RGS5: variants seen among roughly 807,000 people sequenced by gnomAD.
The protein encoded by RGS5 is regulator of G-protein signalling 5.
A neutral mutation model predicts 18.9 loss-of-function variants in RGS5; 20 were observed. That is an observed-to-expected ratio of 1.06 (90% CI 0.74 to 1.54). The LOEUF (loss-of-function observed/expected upper bound fraction) is 1.54, where lower values mean the gene tolerates loss of function less well. Among genes scored for constraint, RGS5 ranks in the 40% most tolerant of loss-of-function variants. RGS5 has a pLI of 0.00. For synonymous variants in RGS5, 57 were observed against 76.2 expected (o/e 0.75, Z 1.31); for missense variants, 201 against 211.8 (o/e 0.95, Z 0.32).
At chr1:163,256,832 G>C (rs1292473962) in intron 2 of RGS5, among the ~76,000 whole-genome samples, 1 of 152,174 alleles carries the variant, frequency 6.6e-6, no homozygotes, top group Non-Finnish European at 1.5e-5. Flanking sequence ...ACAGTGATGA[G>C]GGTGGGTAAG....
chr1:163,193,105 T>C (rs893500355), intron 1 of RGS5, among the ~76,000 whole-genome samples: 2 of 152,308 alleles, frequency 1.3e-5, no homozygotes, highest in African/African-American at 4.8e-5. Flanking sequence ...TTTTTACAAG[T>C]ACTTTATTTC....
chr1:163,155,529 A>G (rs1657545138), intron 3 of RGS5, among the ~76,000 whole-genome samples: 1 of 152,132 alleles, frequency 6.6e-6, no homozygotes, highest in Admixed American at 6.5e-5. Context: ...CACTCTCTAG[A>G]GGGTCCCTCT....
At chr1:163,254,682 T>A (rs541256771) in intron 2 of RGS5, among the ~76,000 whole-genome samples, 2 of 152,220 alleles carry the variant, frequency 1.3e-5, no homozygotes, top group Non-Finnish European at 2.9e-5. Flanking sequence ...TTGGCTTTTG[T>A]TGCCATTGCT....
At chr1:163,226,366 A>G (rs1287476674) in intron 2 of RGS5, among the ~76,000 whole-genome samples, 1 of 152,218 alleles carries the variant, frequency 6.6e-6, no homozygotes, top group Non-Finnish European at 1.5e-5. Flanking sequence ...GGAAGCAGCT[A>G]CCACCTCTAG....
intron 1 of RGS5, among the ~76,000 whole-genome samples, chr1:163,207,955 T>C (rs1002024765): frequency 1.3e-5 from 2 of 152,138 alleles, no homozygotes; most frequent in African/African-American, 2.4e-5. Context: ...GAGTGACATA[T>C]AGGAAAATCA....
chr1:163,197,405 C>G (rs545051507), intron 1 of RGS5, among the ~76,000 whole-genome samples: 1 of 152,258 alleles, frequency 6.6e-6, no homozygotes, highest in South Asian at 2.1e-4. Flanking sequence ...ACTAAAAGCT[C>G]TAGGGGCCCC....
chr1:163,182,585 C>G (rs1432169191), intron 1 of RGS5, among the ~76,000 whole-genome samples: 1 of 152,154 alleles, frequency 6.6e-6, no homozygotes, highest in Non-Finnish European at 1.5e-5. Flanking sequence ...AAGACAGAAA[C>G]AGTTTATTTC....
chr1:163,230,196 G>A (rs1164069843), intron 2 of RGS5, among the ~76,000 whole-genome samples: 1 of 152,128 alleles, frequency 6.6e-6, no homozygotes, highest in Non-Finnish European at 1.5e-5. Flanking sequence ...TTTGATCTGG[G>A]AGTCAAAAGA....
intron 1 of RGS5, among the ~76,000 whole-genome samples, chr1:163,182,618 T>C (rs1476701542): frequency 6.6e-6 from 1 of 152,160 alleles, no homozygotes; most frequent in Non-Finnish European, 1.5e-5. Flanking sequence ...AATTCTCCCA[T>C]CTTATTCCAA....
chr1:163,261,891 A>T (rs12750482), intron 2 of RGS5, among the ~76,000 whole-genome samples: 49,285 of 149,900 alleles, frequency 0.33, 8,207 homozygotes, highest in Non-Finnish European at 0.36. Flanking sequence ...ATTTTTTTTT[A>T]AAATTATTTC....
At chr1:163,278,919 A>C (rs1571336839) in intron 2 of RGS5, among the ~76,000 whole-genome samples, 1 of 152,282 alleles carries the variant, frequency 6.6e-6, no homozygotes, top group East Asian at 1.9e-4. Context: ...CAGATAAAAT[A>C]AACTTCAGGT....
chr1:163,313,997 A>G (rs1484612288), intron 1 of RGS5, among the ~76,000 whole-genome samples: 4 of 149,600 alleles, frequency 2.7e-5, no homozygotes, highest in South Asian at 4.2e-4. Flanking sequence ...AATAAGATAT[A>G]TATGTGTGTG....
Position 163,146,211 on chromosome 1 carries a change from G to A in RGS5, c.*1131C>T, listed in dbSNP as rs558843177. 6.6e-6 allele frequency: 1 copy of A among 151,238 alleles called. No individual in the cohort carries two copies. Among genetic ancestry groups the A allele is most frequent in the South Asian group, 2.1e-4 (1 of 4,784 alleles). 9.4% of individuals were successfully genotyped at this position (151,238 alleles called of 1,614,324 possible). On this transcript the variant is annotated 3_prime_UTR_variant, in exon 5 of 5. Coordinates refer to ENST00000313961, the MANE Select transcript of RGS5 (RefSeq NM_003617.4). ...TTGCTAATGCAGGAAGCGAAATAGTGAAGGAATACTGGGGTTGCTAAAAGA... is the reference window on the plus strand; with the variant it reads ...TTGCTAATGCAGGAAGCGAAATAGTAAAGGAATACTGGGGTTGCTAAAAGA...
At chr1:163,278,415 G>A (rs10799907) in intron 2 of RGS5, among the ~76,000 whole-genome samples, 32,420 of 151,958 alleles carry the variant, frequency 0.21, 3,692 homozygotes, top group African/African-American at 0.3. Flanking sequence ...ATTTTTCTCA[G>A]ACAAGTAAAA....
chr1:163,267,163 GC>G (rs1648591557), intron 2 of RGS5: 1 of 152,056 alleles, frequency 6.6e-6, no homozygotes. Context: ...TGGGGATAGG[GC>G]CCTCACAGTG....
intron 1 of RGS5, among the ~76,000 whole-genome samples, chr1:163,197,226 A>C (rs1659593941): frequency 6.6e-6 from 1 of 151,992 alleles, no homozygotes; most frequent in East Asian, 1.9e-4. Context: ...ACATCAGCCA[A>C]ATTGGCTGTG....
At chr1:163,224,168 TCTAA>T (rs1243824291) in intron 2 of RGS5, among the ~76,000 whole-genome samples, 10 of 152,222 alleles carry the variant, frequency 6.6e-5, no homozygotes, top group South Asian at 2.1e-4. Context: ...GTCCCTCCTA[TCTAA>T]CTGTTAACCA....
At position 163,147,297 on chromosome 1, in the gene RGS5, T is replaced by C. The variant is rs775961170; in HGVS notation, c.*45A>G. On this transcript the variant is annotated 3_prime_UTR_variant, in exon 5 of 5. Transcript: ENST00000313961. ...ATTAATGGGAAATGCAGGGTTATTA[T>C]GGAGGAAATAACTCACAGGATGATT... 26 of 1,530,664 alleles carry C rather than the reference T, an allele frequency of 1.7e-5. No individual in the cohort carries two copies. The highest frequency in any genetic ancestry group is 5.2e-5 in the South Asian group (4 of 76,944). 94.8% of individuals were successfully genotyped at this position (1,530,664 alleles called of 1,614,324 possible). A position where few individuals can be genotyped will look rare whatever the true frequency, so the allele number is the denominator to read the frequency against.
At chr1:163,252,542 G>A (rs576191071) in intron 2 of RGS5, among the ~76,000 whole-genome samples, 2 of 152,186 alleles carry the variant, frequency 1.3e-5, no homozygotes, top group Non-Finnish European at 2.9e-5. Context: ...ACACATACTT[G>A]AAAATGTTCT....
Sources: allele counts gnomAD v4.1 joint callset (sites outside exome capture counted in the v4.1 genomes callset), GRCh38; gene constraint gnomAD v4.1.1; transcripts MANE v1.5; gene names NCBI Gene and HGNC (gene_info 2026-07-23, HGNC 2026-07-21).